Variants in SCIN observed in about 807,000 individuals in gnomAD.
SCIN encodes the protein adseverin.
Under a neutral mutation model 91.8 loss-of-function variants are expected in SCIN, and 91 were observed. The observed-to-expected ratio is 0.99, with a 90% confidence interval of 0.84 to 1.18. The LOEUF is 1.18. Among genes scored for constraint, SCIN ranks in the 50% most tolerant of loss-of-function variants. The pLI is 0.00. For missense variants in SCIN, 1,087 were observed against 863.9 expected, an observed-to-expected ratio of 1.26 and a Z score of -3.24; for synonymous variants, 367 against 312.6, an observed-to-expected ratio of 1.17 and a Z score of -1.84.
At position 12,652,642 on chromosome 7, in the gene SCIN, T is replaced by C. The variant is rs1784105871; in HGVS notation, c.2075T>C (p.Val692Ala). ...PSGRDKRTPI[V>A]IIKQGHEPPT... is the part of the protein sequence containing the mutation. ...GGAAGAGACAAGAGGACACCAATTG[T>C]CATCATAAAACAGGGCCATGAGCCA... Residue 692 changes from valine (V) to alanine (A), a missense_variant, in exon 16 of 16, where the codon GTC becomes GCC. Transcript: ENST00000297029. The C allele has an allele frequency of 1.9e-6, 3 of 1,612,046 alleles. No homozygotes were observed.
chr7:12,605,397 A>T (rs1466307284), intron 4 of SCIN, among the ~76,000 whole-genome samples: 1 of 152,134 alleles, frequency 6.6e-6, no homozygotes, highest in Non-Finnish European at 1.5e-5. Flanking sequence ...TTTTAAAATT[A>T]ACAGTTGCAG....
chr7:12,624,580 ATT>A (rs1783473642), intron 5 of SCIN, among the ~76,000 whole-genome samples: 2 of 152,196 alleles, frequency 1.3e-5, no homozygotes, highest in Admixed American at 6.5e-5. Flanking sequence ...GTATGTAATG[ATT>A]TTAAGATTAT....
intron 1 of SCIN, among the ~76,000 whole-genome samples, chr7:12,572,545 A>C (rs1380280121): frequency 6.6e-6 from 1 of 152,210 alleles, no homozygotes; most frequent in Non-Finnish European, 1.5e-5. Context: ...CTTACTGTAG[A>C]CAGCAGTTAA....
chr7:12,605,082 T>C (rs549734262), intron 4 of SCIN, among the ~76,000 whole-genome samples: 25 of 152,240 alleles, frequency 1.6e-4, no homozygotes, highest in East Asian at 5.8e-4. Context: ...GACGGAGTCT[T>C]GCTCTGTCGC....
intron 3 of SCIN, among the ~76,000 whole-genome samples, chr7:12,600,015 G>C (rs1175502083): frequency 2.6e-5 from 4 of 152,094 alleles, no homozygotes; most frequent in Admixed American, 2.0e-4. Flanking sequence ...TTTTAGTTTA[G>C]TTAAGTCCTA....
intron 4 of SCIN, among the ~76,000 whole-genome samples, chr7:12,606,411 C>T (rs1783080722): frequency 6.6e-6 from 1 of 152,118 alleles, no homozygotes; most frequent in Admixed American, 6.6e-5. Flanking sequence ...GCAGTAGTTA[C>T]ATGGTCCAGT....
Position 12,653,045 on chromosome 7 carries a change from C to T in SCIN, c.*330C>T. On this transcript the variant is annotated 3_prime_UTR_variant, in exon 16 of 16. Coordinates refer to ENST00000297029, the MANE Select transcript of SCIN (RefSeq NM_001112706.3). This position sits in a 1 kb window ranked among gnomAD's most constrained non-coding sequence, Gnocchi z 4.1. Reference sequence around the variant, plus strand: ...GCTTGAACCCAGGAGGCTGAGGTTGCAGTGAGCCAGGATTGCGCCACCACA... The same window carrying T: ...GCTTGAACCCAGGAGGCTGAGGTTGTAGTGAGCCAGGATTGCGCCACCACA... 6.0e-6 allele frequency: 1 copy of T among 165,758 alleles called. No homozygotes were observed. Among genetic ancestry groups the T allele is most frequent in the Non-Finnish European group, 1.3e-5 (1 of 79,574 alleles). The allele number at this position is 165,758 out of a possible 1,614,324, so 10.3% of individuals were successfully genotyped here. A position where few individuals can be genotyped will look rare whatever the true frequency, so the allele number is the denominator to read the frequency against.
At chr7:12,582,238 A>G (rs1782502834) in intron 3 of SCIN, among the ~76,000 whole-genome samples, 1 of 152,216 alleles carries the variant, frequency 6.6e-6, no homozygotes, top group Non-Finnish European at 1.5e-5. Flanking sequence ...TATTGCATCT[A>G]CTTGGGCAGT....
intron 9 of SCIN, 79 bp downstream of exon 9, chr7:12,629,301 G>A: frequency 7.5e-7 from 1 of 1,330,766 alleles, no homozygotes; most frequent in Non-Finnish European, 1.0e-6. Flanking sequence ...ATGCATTATG[G>A]GGTAGAATAA....
At chr7:12,574,316 A>G (rs994619293) in intron 1 of SCIN, among the ~76,000 whole-genome samples, 1 of 152,146 alleles carries the variant, frequency 6.6e-6, no homozygotes, top group Non-Finnish European at 1.5e-5. Context: ...GATCCCATTT[A>G]TATAAAATTT....
At chr7:12,615,179 A>G (rs1263372532) in intron 4 of SCIN, among the ~76,000 whole-genome samples, 1 of 152,178 alleles carries the variant, frequency 6.6e-6, no homozygotes, top group East Asian at 1.9e-4. Context: ...CTCATTTTAT[A>G]TATTCCATAT....
intron 3 of SCIN, among the ~76,000 whole-genome samples, chr7:12,590,493 A>G (rs1782696563): frequency 6.6e-6 from 1 of 152,124 alleles, no homozygotes; most frequent in South Asian, 2.1e-4. Flanking sequence ...GGATTGGTGA[A>G]GAGATGTCAG....
intron 4 of SCIN, among the ~76,000 whole-genome samples, chr7:12,614,572 A>G (rs894400642): frequency 1.3e-5 from 2 of 152,180 alleles, no homozygotes; most frequent in African/African-American, 2.4e-5. Context: ...GTAAAGTGAG[A>G]CAACATTTTG....
rs1784076398 is a variant in SCIN, at chr7:12,651,430, G to A, written c.1960-411G>A. On this transcript the variant is annotated intron_variant, in intron 14 of 15. Coordinates refer to ENST00000297029, the MANE Select transcript of SCIN (RefSeq NM_001112706.3). This position sits in a 1 kb window ranked among gnomAD's most constrained non-coding sequence, Gnocchi z 5.9. ...GGCTATTTCTGTTTGCAAGTCCTCT[G>A]AACAGCCATCTCGAAATATGTCAAA... is the stretch of plus-strand genomic sequence containing the variant. Among the ~76,000 whole-genome samples the A allele has an allele frequency of 6.6e-6, 1 of 152,066 alleles. No individual in the cohort carries two copies. Among genetic ancestry groups the A allele is most frequent in the East Asian group, 1.9e-4 (1 of 5,194 alleles).
rs1467552912 is a variant in SCIN, at chr7:12,604,657, T to C, written c.660T>C (p.Leu220=). The change falls in exon 4 of 16, where the codon CTT becomes CTC. Residue 220 remains leucine, a synonymous_variant. Coordinates refer to ENST00000297029, the MANE Select transcript of SCIN (RefSeq NM_001112706.3). ...AAGAAGGAAGTGAACCCTCAGAACTTATAAAGGTATTGTGACTCCTGTTGT... is the reference window on the plus strand; with the variant it reads ...AAGAAGGAAGTGAACCCTCAGAACTCATAAAGGTATTGTGACTCCTGTTGT... The part of the protein sequence containing the change: ...VVEEGSEPSE[L]IKVLGEKPEL... 6.4e-7 allele frequency: 1 copy of C among 1,551,912 alleles called. No individual in the cohort carries two copies. Among genetic ancestry groups the C allele is most frequent in the Non-Finnish European group, 8.7e-7 (1 of 1,147,006 alleles).
chr7:12,571,160 G>A, intron 1 of SCIN, 175 bp downstream of exon 1: 2 of 687,098 alleles, frequency 2.9e-6, no homozygotes, highest in Non-Finnish European at 4.7e-6. Context: ...AAGTCAACTC[G>A]CCGGCTGCAA....
In SCIN at chr7:12,651,496, T is replaced by C. The variant is rs756240671; in HGVS notation, c.1960-345T>C. On this transcript the variant is annotated intron_variant, in intron 14 of 15. Transcript: ENST00000297029. This position sits in a 1 kb window ranked among gnomAD's most constrained non-coding sequence, Gnocchi z 5.9. Reference sequence around the variant, plus strand: ...GTGAAATATTTTGGTTTCCTTCGACTGCTGTCACACCCTAGGGGGTGGATG... The same window carrying C: ...GTGAAATATTTTGGTTTCCTTCGACCGCTGTCACACCCTAGGGGGTGGATG... Among the ~76,000 whole-genome samples, 28 of 151,708 alleles carry C rather than the reference T, an allele frequency of 1.8e-4. No individual in the cohort carries two copies. The highest frequency in any genetic ancestry group is 3.2e-4 in the Non-Finnish European group (22 of 67,932).
intron 14 of SCIN, among the ~76,000 whole-genome samples, chr7:12,650,407 A>G (rs1784056766): frequency 6.6e-6 from 1 of 152,204 alleles, no homozygotes; most frequent in Non-Finnish European, 1.5e-5. Flanking sequence ...TCAGATATAT[A>G]TTTAATTTTT....
intron 3 of SCIN, among the ~76,000 whole-genome samples, chr7:12,583,064 C>T (rs992023578): frequency 2.0e-5 from 3 of 151,898 alleles, no homozygotes; most frequent in African/African-American, 7.2e-5. Flanking sequence ...AGGCACTTCC[C>T]AGTGATAATG....
Sources: gnomAD v4.1 joint callset for allele counts (sites outside exome capture counted in the v4.1 genomes callset) on GRCh38, gnomAD v4.1.1 for gene constraint, Gnocchi (gnomAD v3.1) non-coding constraint, MANE v1.5 for transcripts, NCBI Gene and HGNC (gene_info 2026-07-23, HGNC 2026-07-21) for gene names.